The following ZNG1E variants were observed in gnomAD, a reference collection of about 807,000 sequenced individuals.
ZNG1E encodes the protein zinc-regulated GTPase metalloprotein activator 1E.
chr9:65,716,507 T>C, the ZNG1E span, among the ~76,000 whole-genome samples: 1 of 147,536 alleles, frequency 6.8e-6, no homozygotes, highest in Non-Finnish European at 1.5e-5. Flanking sequence ...AAAAACTAAT[T>C]ATACTTTCAA....
chr9:65,680,307 T>C, the ZNG1E span, among the ~76,000 whole-genome samples: 26 of 152,250 alleles, frequency 1.7e-4, no homozygotes, highest in Non-Finnish European at 1.0e-4. Flanking sequence ...ATTCGATTTC[T>C]GGTTTTAATA....
At chr9:65,717,426 A>C in the ZNG1E span, among the ~76,000 whole-genome samples, 1 of 147,484 alleles carries the variant, frequency 6.8e-6, no homozygotes, top group South Asian at 2.1e-4. Context: ...CCATTTCTGA[A>C]ATAACCAGAA....
chr9:65,663,356 T>C, the ZNG1E span, among the ~76,000 whole-genome samples: 2 of 151,916 alleles, frequency 1.3e-5, no homozygotes, highest in Admixed American at 1.3e-4. Flanking sequence ...ATTTGTCCAC[T>C]TAAGCTGTAG....
the ZNG1E span, among the ~76,000 whole-genome samples, chr9:65,702,191 A>G: frequency 2.0e-5 from 3 of 151,310 alleles, no homozygotes; most frequent in Non-Finnish European, 2.9e-5. Context: ...CAGAATCATT[A>G]TATGTGGGAA....
At chr9:65,688,005 GT>G in the ZNG1E span, among the ~76,000 whole-genome samples, 1 of 150,998 alleles carries the variant, frequency 6.6e-6, no homozygotes, top group Non-Finnish European at 1.5e-5. Context: ...CATGACACCA[GT>G]TTTTTTAATA....
the ZNG1E span, among the ~76,000 whole-genome samples, chr9:65,683,884 A>G: frequency 6.6e-6 from 1 of 152,290 alleles, no homozygotes; most frequent in East Asian, 1.9e-4. Flanking sequence ...TGTTGGCGTT[A>G]AATATTATTT....
At chr9:65,679,598 A>C in the ZNG1E span, 14,486 of 334,008 alleles carry the variant, frequency 0.043, 4 homozygotes, top group Admixed American at 0.069. Flanking sequence ...CTCTGTCGCC[A>C]GGCTGGAGTG....
At chr9:65,672,456 A>G in the ZNG1E span, among the ~76,000 whole-genome samples, 17 of 151,782 alleles carry the variant, frequency 1.1e-4, no homozygotes, top group African/African-American at 4.1e-4. Context: ...AGTTAAAAAA[A>G]AAAAAAAAGC....
chr9:65,678,095 G>GTT, the ZNG1E span, among the ~76,000 whole-genome samples: 996 of 141,488 alleles, frequency 7.0e-3, no homozygotes, highest in African/African-American at 0.017. Flanking sequence ...GTCTTAAAGT[G>GTT]TTTTTTTTTT....
the ZNG1E span, among the ~76,000 whole-genome samples, chr9:65,695,407 CTTCATGAAG>C: frequency 1.5e-5 from 1 of 65,862 alleles, no homozygotes; most frequent in Non-Finnish European, 3.3e-5. Context: ...CCCTATAGCC[CTTCATGAAG>C]TTAGGTCTAC....
At chr9:65,711,077 A>G in the ZNG1E span, among the ~76,000 whole-genome samples, 5 of 129,278 alleles carry the variant, frequency 3.9e-5, no homozygotes, top group South Asian at 2.8e-4. Context: ...TCACATCCCT[A>G]GTAAGTTGGA....
the ZNG1E span, among the ~76,000 whole-genome samples, chr9:65,663,153 A>G: frequency 4.6e-5 from 7 of 152,272 alleles, no homozygotes; most frequent in Non-Finnish European, 4.4e-5. Flanking sequence ...TTTTCTCTCC[A>G]ATGTTTACTG....
the ZNG1E span, among the ~76,000 whole-genome samples, chr9:65,663,814 T>C: frequency 6.8e-6 from 1 of 146,972 alleles, no homozygotes. Flanking sequence ...TTGTAACCAG[T>C]AATAGGATGC....
the ZNG1E span, among the ~76,000 whole-genome samples, chr9:65,659,441 G>A: frequency 5.8e-4 from 87 of 150,664 alleles, no homozygotes; most frequent in South Asian, 0.014. Flanking sequence ...GTTGCAGTGA[G>A]CCGAGATCAT....
the ZNG1E span, chr9:65,704,581 T>C: frequency 3.2e-6 from 3 of 936,604 alleles, no homozygotes; most frequent in Non-Finnish European, 3.7e-6. Flanking sequence ...TCTCTCAAAT[T>C]CCTTGAGGCA....
At chr9:65,667,335 C>G in the ZNG1E span, among the ~76,000 whole-genome samples, 1 of 152,174 alleles carries the variant, frequency 6.6e-6, no homozygotes, top group Non-Finnish European at 1.5e-5. Flanking sequence ...AATACACAAT[C>G]CAAAATATGA....
the ZNG1E span, among the ~76,000 whole-genome samples, chr9:65,658,733 T>C: frequency 1.4e-5 from 2 of 141,384 alleles, no homozygotes; most frequent in Admixed American, 1.4e-4. Flanking sequence ...CTCATGGTTC[T>C]GGATGCTAGA....
chr9:65,657,476 AC>A, the ZNG1E span, among the ~76,000 whole-genome samples: 1 of 152,224 alleles, frequency 6.6e-6, no homozygotes, highest in African/African-American at 2.4e-5. Flanking sequence ...GCCCAAAAAA[AC>A]AAATTTCACA....
the ZNG1E span, chr9:65,691,058 C>G: frequency 9.5e-6 from 15 of 1,572,078 alleles, no homozygotes; most frequent in African/African-American, 1.5e-5. Context: ...TTTTATCTTT[C>G]TTGTTTTTTT....
Sources: allele counts gnomAD v4.1 joint callset (sites outside exome capture counted in the v4.1 genomes callset), GRCh38; gene constraint gnomAD v4.1.1; transcripts MANE v1.5; gene names NCBI Gene and HGNC (gene_info 2026-07-23, HGNC 2026-07-21).